GABRR1: variants seen among roughly 807,000 people sequenced by gnomAD.
GABRR1 encodes the protein gamma-aminobutyric acid receptor subunit rho-1.
GABRR1 carries 59 observed loss-of-function variants against 55.5 expected under a neutral mutation model. The ratio of observed to expected loss-of-function variants is 1.06; its 90% CI spans 0.86 to 1.32. The LOEUF (loss-of-function observed/expected upper bound fraction) is 1.32, where lower values mean the gene tolerates loss of function less well. Ranked by LOEUF, GABRR1 falls within the 40% of genes most tolerant of loss-of-function variation. GABRR1 has a pLI of 0.00. For missense variants in GABRR1, 602 were observed against 619.1 expected (o/e 0.97, Z 0.29); for synonymous variants, 213 against 226.0 (o/e 0.94, Z 0.51).
At chr6:89,208,101 T>C (rs904879754) in intron 1 of GABRR1, among the ~76,000 whole-genome samples, 1 of 152,250 alleles carries the variant, frequency 6.6e-6, no homozygotes, top group Non-Finnish European at 1.5e-5. Flanking sequence ...CTGAAGGCGA[T>C]GCTACAAGGG....
In GABRR1 at chr6:89,198,224, T is replaced by A; in HGVS notation, c.368A>T (p.Tyr123Phe). The A allele has an allele frequency of 6.2e-7, 1 of 1,613,632 alleles. No individual in the cohort carries two copies. Among genetic ancestry groups the A allele is most frequent in the Non-Finnish European group, 8.5e-7 (1 of 1,179,884 alleles). Reference protein sequence around the residue: ...EVDMDFTMTLYLRHYWKDERL... With the variant: ...EVDMDFTMTLFLRHYWKDERL... ...CTCGTCCTTCCAGTAGTGCCTCAGG[T>A]AGAGGGTCATCGTAAAGTCCTGGGA... Residue 123 changes from tyrosine (Y) to phenylalanine (F), a missense_variant, in exon 5 of 10, where the codon TAC (tyrosine) becomes TTC (phenylalanine). Tyr to Phe is a conservative substitution (Grantham distance 22). Transcript: ENST00000454853.
In GABRR1 at chr6:89,223,767, GT is replaced by G. The variant is rs35485745; in HGVS notation, c.-410-2322del. On this transcript the variant is annotated intron_variant, in intron 1 of 11. Coordinates refer to the GABRR1 transcript ENST00000369451. ...GGAGTAAGGTGGTATTGCATTGTGGGTTTTTTTTTTTTTTGAGACGGAGGTC... is the reference window on the plus strand; with the variant it reads ...GGAGTAAGGTGGTATTGCATTGTGGGTTTTTTTTTTTTTGAGACGGAGGTC... Among the ~76,000 whole-genome samples, 765 of 135,274 alleles carry G rather than the reference GT, an allele frequency of 5.7e-3. 9 individuals carry two copies. The highest frequency in any genetic ancestry group is 0.018 in the African/African-American group (660 of 36,930). The allele number at this position is 135,274 out of a possible 152,430, so 88.7% of individuals were successfully genotyped here.
chr6:89,191,404 G>A (rs1772082107), intron 5 of GABRR1, among the ~76,000 whole-genome samples: 1 of 152,192 alleles, frequency 6.6e-6, no homozygotes, highest in Non-Finnish European at 1.5e-5. Context: ...CATGAAATAA[G>A]CTAAGAACTA....
intron 1 of GABRR1, chr6:89,204,491 T>G (rs545071500): frequency 2.6e-5 from 10 of 390,528 alleles, no homozygotes; most frequent in Non-Finnish European, 4.4e-5. Flanking sequence ...TACCTATTAG[T>G]TGAATGAAGG....
intron 1 of GABRR1, chr6:89,204,530 A>G (rs967847141): frequency 5.0e-6 from 4 of 800,900 alleles, no homozygotes; most frequent in South Asian, 3.9e-5. Context: ...ATGGGCACCT[A>G]AAAAGGGAGA....
chr6:89,181,796 A>G, intron 8 of GABRR1, 109 bp downstream of exon 8: 1 of 1,127,830 alleles, frequency 8.9e-7, no homozygotes, highest in Non-Finnish European at 1.2e-6. Context: ...CCAAGTCATA[A>G]CGCCAAAAGG....
intron 7 of GABRR1, 49 bp from the exon 8 acceptor site, chr6:89,182,106 A>G: frequency 6.3e-7 from 1 of 1,593,596 alleles, no homozygotes; most frequent in South Asian, 1.1e-5. Flanking sequence ...CTCCTTCATA[A>G]AACACATTTT....
intron 5 of GABRR1, among the ~76,000 whole-genome samples, chr6:89,196,822 G>GGAAGGAAAGAAA (rs1262381146): frequency 6.0e-4 from 55 of 91,110 alleles, no homozygotes; most frequent in Non-Finnish European, 9.6e-4. Context: ...AAGAAAAGAA[G>GGAAGGAAAGAAA]GAAAGAAAGA....
At chr6:89,184,120 A>T (rs570636684) in intron 7 of GABRR1, among the ~76,000 whole-genome samples, 1 of 151,998 alleles carries the variant, frequency 6.6e-6, no homozygotes, top group Non-Finnish European at 1.5e-5. Flanking sequence ...GGTGCCTGTA[A>T]TCCCAGCTAC....
Position 89,178,998 on chromosome 6 carries a change from C to T in GABRR1, c.1212G>A (p.Gly404=), listed in dbSNP as rs539734627. The change falls in exon 10 of 10, where the codon GGG becomes GGA. Residue 404 remains glycine (G), a synonymous_variant. Coordinates refer to ENST00000454853, the MANE Select transcript of GABRR1 (RefSeq NM_002042.5). The part of the protein sequence containing the change: ...TAMLDGNYSD[G]EVNDLDNYMP... ...TGTAGTTGTCCAGGTCATTCACCTCCCCATCACTGTAGTTGCCGTCCAGCA... is the reference window on the plus strand; with the variant it reads ...TGTAGTTGTCCAGGTCATTCACCTCTCCATCACTGTAGTTGCCGTCCAGCA... 6.8e-6 allele frequency: 11 copies of T among 1,614,172 alleles called. No individual in the cohort carries two copies. The East Asian group carries it at 1.8e-4, about 26-fold the overall frequency.
At position 89,212,163 on chromosome 6, in the gene GABRR1, G is replaced by A; in HGVS notation, c.122+5038C>T. On this transcript the variant is annotated intron_variant, in intron 1 of 9. Coordinates refer to ENST00000454853, the MANE Select transcript of GABRR1 (RefSeq NM_002042.5). ...TCCTGGCATCACCATCTACTCAGTC[G>A]TACAATCCAAAGACCTGCCGAACAT... The A allele has an allele frequency of 6.1e-6, 4 of 652,508 alleles. 1 individual carries two copies. The highest frequency in any genetic ancestry group is 7.3e-6 in the Non-Finnish European group (4 of 547,316). 40.4% of individuals were successfully genotyped at this position (652,508 alleles called of 1,614,324 possible).
At chr6:89,230,982 C>A (rs939071629) in intron 1 of GABRR1, among the ~76,000 whole-genome samples, 1 of 151,960 alleles carries the variant, frequency 6.6e-6, no homozygotes, top group Non-Finnish European at 1.5e-5. Context: ...GTTTTTTAAG[C>A]CGGTCTGAAA....
At chr6:89,187,567 T>C (rs777604969) in intron 6 of GABRR1, among the ~76,000 whole-genome samples, 2 of 152,136 alleles carry the variant, frequency 1.3e-5, no homozygotes, top group Non-Finnish European at 2.9e-5. Flanking sequence ...TCTCCAGAAC[T>C]CTTTTCATCT....
Position 89,184,247 on chromosome 6 carries a change from CAAAA to C in GABRR1, c.796+1059_796+1062del, listed in dbSNP as rs1164564083. Among the ~76,000 whole-genome samples the C allele has an allele frequency of 1.8e-4, 10 of 57,138 alleles. No homozygotes were observed. In the East Asian group the frequency reaches 4.0e-3, roughly 23 times the overall value. The allele number at this position is 57,138 out of a possible 152,430, so 37.5% of individuals were successfully genotyped here. On this transcript the variant is annotated intron_variant, in intron 7 of 9. Coordinates refer to ENST00000454853, the MANE Select transcript of GABRR1 (RefSeq NM_002042.5). ...TGGGCAACAGAGTGAGACTCCGTCT[CAAAA>C]AAAAAAAAAAAAAAAATTCCTAGAC...
At chr6:89,193,874 G>A (rs1193230677) in intron 5 of GABRR1, among the ~76,000 whole-genome samples, 1 of 152,104 alleles carries the variant, frequency 6.6e-6, no homozygotes, top group East Asian at 1.9e-4. Context: ...TGAGATGCCA[G>A]TAGGAGAACT....
chr6:89,204,852 C>G (rs1031633826), intron 1 of GABRR1, among the ~76,000 whole-genome samples: 4 of 152,122 alleles, frequency 2.6e-5, no homozygotes, highest in Non-Finnish European at 4.4e-5. Flanking sequence ...GAAGGAACCT[C>G]TGCCATTCTG....
intron 1 of GABRR1, among the ~76,000 whole-genome samples, chr6:89,209,737 T>G (rs564745985): frequency 6.6e-6 from 1 of 152,108 alleles, no homozygotes; most frequent in South Asian, 2.1e-4. Context: ...TTGGAAGGAG[T>G]GCAGACTTGG....
Position 89,212,411 on chromosome 6 carries a change from G to A in GABRR1, c.122+4790C>T, listed in dbSNP as rs1422610018. Reference sequence around the variant, plus strand: ...TCCTGGTGTTCCATCATGCTGCTGAGCAAGCAAGCATCGTCTCTCTGAAAT... The same window carrying A: ...TCCTGGTGTTCCATCATGCTGCTGAACAAGCAAGCATCGTCTCTCTGAAAT... On this transcript the variant is annotated intron_variant, in intron 1 of 9. Coordinates refer to ENST00000454853, the MANE Select transcript of GABRR1 (RefSeq NM_002042.5). Among the ~76,000 whole-genome samples the A allele has an allele frequency of 2.1e-5, 3 of 144,454 alleles. 1 individual carries two copies. In the East Asian group the frequency reaches 5.9e-4, roughly 29 times the overall value. 94.8% of individuals were successfully genotyped at this position (144,454 alleles called of 152,430 possible).
At chr6:89,186,260 A>G (rs1250743753) in intron 6 of GABRR1, among the ~76,000 whole-genome samples, 1 of 152,240 alleles carries the variant, frequency 6.6e-6, no homozygotes, top group Admixed American at 6.5e-5. Flanking sequence ...ATGGTACCCA[A>G]TTATACAATC....
Sources: allele counts gnomAD v4.1 joint callset (sites outside exome capture counted in the v4.1 genomes callset), GRCh38; gene constraint gnomAD v4.1.1; transcripts MANE v1.5; gene names NCBI Gene and HGNC (gene_info 2026-07-23, HGNC 2026-07-21).